Variants in BRINP3 observed in about 807,000 individuals in gnomAD.
BRINP3 encodes the protein BMP/retinoic acid-inducible neural-specific protein 3.
In BRINP3, 19 loss-of-function variants were observed where a neutral mutation model predicts 71.0. The ratio of observed to expected loss-of-function variants is 0.27; its 90% CI spans 0.19 to 0.39. The LOEUF (loss-of-function observed/expected upper bound fraction) is 0.39. Among genes scored for constraint, BRINP3 ranks in the 10% least tolerant of loss-of-function variants. The pLI, the probability that BRINP3 is intolerant of heterozygous loss-of-function variation, is 1.00. For synonymous variants in BRINP3, 380 were observed against 337.7 expected (o/e 1.13, Z -1.37); for missense variants, 959 against 940.8 (o/e 1.02, Z -0.25).
rs79701776 is a variant in BRINP3, at chr1:190,227,752, T to C, written c.725-1434A>G. ...ACAGATAAAAAGCTGGGTTATATAT[T>C]AATATATTTTGGAAATGAAAGTAGT... is the stretch of plus-strand genomic sequence containing the variant. On this transcript the variant is annotated intron_variant, in intron 5 of 7. Transcript: ENST00000367462. 3.3e-5 allele frequency among the ~76,000 whole-genome samples: 5 copies of C among 152,024 alleles called. No homozygotes were observed. In the East Asian group the frequency reaches 9.7e-4, roughly 29 times the overall value.
Position 190,424,678 on chromosome 1 carries a change from A to G in BRINP3, c.236+29977T>C, listed in dbSNP as rs183550833. ...ACAGTGAACAGTAAGAGTAGTAGAA[A>G]TATATTTTTGTAATAACTGAGAATT... On this transcript the variant is annotated intron_variant, in intron 2 of 7. Coordinates refer to ENST00000367462, the MANE Select transcript of BRINP3 (RefSeq NM_199051.3). Among the ~76,000 whole-genome samples the G allele has an allele frequency of 6.6e-5, 10 of 151,844 alleles. No homozygotes were observed. The East Asian group carries it at 1.9e-3, about 29-fold the overall frequency.
Position 190,160,696 on chromosome 1 carries a change from G to A in BRINP3, c.1156C>T (p.Gln386Ter), listed in dbSNP as rs755987294. 1 of 1,613,358 alleles carries A rather than the reference G, an allele frequency of 6.2e-7. No individual in the cohort carries two copies. The highest frequency in any genetic ancestry group is 1.7e-5 in the Admixed American group (1 of 59,894). The change falls in exon 7 of 8, where the codon CAA (glutamine) becomes TAA (stop). Residue 386 changes from glutamine to a stop codon, truncating the protein, a stop_gained. Coordinates refer to ENST00000367462, the MANE Select transcript of BRINP3 (RefSeq NM_199051.3). LOFTEE classifies it high-confidence loss of function. ...LFSLSKRCHK[Q>*]PLISLPRQRT... ...TGTCTTGGCAGGCTGATGAGGGGTT[G>A]TTTATGACACCTCTTGCTAAGGCTA...
chr1:190,262,805 A>G (rs116005300), intron 4 of BRINP3, among the ~76,000 whole-genome samples: 1,607 of 152,250 alleles, frequency 0.011, 24 homozygotes, highest in African/African-American at 0.035. Context: ...TATAGACTTA[A>G]TGAATCATCA....
chr1:190,301,657 T>C (rs1664748855), intron 2 of BRINP3, among the ~76,000 whole-genome samples: 1 of 151,918 alleles, frequency 6.6e-6, no homozygotes, highest in East Asian at 1.9e-4. Context: ...AAAGAAGTTG[T>C]TGAGAAAACA....
At chr1:190,168,460 C>T (rs994560004) in intron 6 of BRINP3, among the ~76,000 whole-genome samples, 6 of 152,100 alleles carry the variant, frequency 3.9e-5, no homozygotes, top group African/African-American at 7.2e-5. Context: ...TATAAAAATC[C>T]GGTAATAAAT....
At chr1:190,389,883 A>C (rs1423529870) in intron 2 of BRINP3, among the ~76,000 whole-genome samples, 1 of 151,818 alleles carries the variant, frequency 6.6e-6, no homozygotes, top group Non-Finnish European at 1.5e-5. Context: ...AAGAAGTGAA[A>C]TAAAATGGAC....
intron 2 of BRINP3, among the ~76,000 whole-genome samples, chr1:190,450,737 A>T (rs1675551505): frequency 6.6e-6 from 1 of 151,938 alleles, no homozygotes; most frequent in South Asian, 2.1e-4. Context: ...TCCTATTGAG[A>T]TCATTATTCC....
intron 1 of BRINP3, among the ~76,000 whole-genome samples, chr1:190,474,112 T>C (rs1677338828): frequency 6.6e-6 from 1 of 152,210 alleles, no homozygotes; most frequent in African/African-American, 2.4e-5. Flanking sequence ...ATTAAGATTA[T>C]ACATTTCTTC....
intron 1 of BRINP3, among the ~76,000 whole-genome samples, chr1:190,460,565 GT>G (rs1284294957): frequency 6.6e-6 from 1 of 152,084 alleles, no homozygotes; most frequent in Non-Finnish European, 1.5e-5. Context: ...CAATTGCAAT[GT>G]GCAAAATATC....
chr1:190,350,929 T>C (rs767799362), intron 2 of BRINP3, among the ~76,000 whole-genome samples: 1 of 151,948 alleles, frequency 6.6e-6, no homozygotes, highest in East Asian at 2.0e-4. Context: ...TTGAAGCGGT[T>C]CTCCTGCCTC....
intron 2 of BRINP3, among the ~76,000 whole-genome samples, chr1:190,444,125 C>T (rs892379142): frequency 6.6e-6 from 1 of 151,138 alleles, no homozygotes; most frequent in African/African-American, 2.4e-5. Flanking sequence ...CCCAGGTACT[C>T]GGGAGGCTGA....
chr1:190,160,658 A>G lies in BRINP3; in HGVS notation c.1184+10T>C. 1 of 1,604,926 alleles carries G rather than the reference A, an allele frequency of 6.2e-7. No individual in the cohort carries two copies. The highest frequency in any genetic ancestry group is 1.3e-5 in the African/African-American group (1 of 74,534). On this transcript the variant is annotated intron_variant, in intron 7 of 7. Transcript: ENST00000367462. ...AAACTTAATTGCTTACATTACCACA[A>G]ATGTCTTACCTTTGTCTTGGCAGGC...
chr1:190,245,849 G>A (rs1205335902), intron 4 of BRINP3, among the ~76,000 whole-genome samples: 2 of 148,384 alleles, frequency 1.3e-5, no homozygotes, highest in Non-Finnish European at 3.0e-5. Context: ...GAGAACATGC[G>A]GTGTTTGGTT....
intron 2 of BRINP3, among the ~76,000 whole-genome samples, chr1:190,426,430 G>C (rs1673711975): frequency 6.6e-6 from 1 of 151,822 alleles, no homozygotes; most frequent in Non-Finnish European, 1.5e-5. Flanking sequence ...TCAGATATTG[G>C]TGTTTTTTGG....
At chr1:190,477,122 G>T (rs1285535528) in intron 1 of BRINP3, among the ~76,000 whole-genome samples, 1 of 152,090 alleles carries the variant, frequency 6.6e-6, no homozygotes, top group Admixed American at 6.5e-5. Context: ...ATTTCAAATG[G>T]CACAGGAATG....
chr1:190,176,364 G>A (rs1381787772), intron 6 of BRINP3, among the ~76,000 whole-genome samples: 1 of 152,084 alleles, frequency 6.6e-6, no homozygotes, highest in Non-Finnish European at 1.5e-5. Context: ...TAAAAGATGA[G>A]TTATTTGCCT....
chr1:190,204,219 T>C (rs188262617), intron 6 of BRINP3, among the ~76,000 whole-genome samples: 142 of 152,046 alleles, frequency 9.3e-4, no homozygotes, highest in African/African-American at 2.5e-3. Flanking sequence ...AGACCTGAGC[T>C]GATTTTCATC....
rs573704664 is a variant in BRINP3, at chr1:190,258,429, C to A, written c.618+6436G>T. Among the ~76,000 whole-genome samples, 95 of 150,868 alleles carry A rather than the reference C, an allele frequency of 6.3e-4. 1 individual carries two copies. The highest frequency in any genetic ancestry group is 1.2e-3 in the Non-Finnish European group (79 of 67,598). On this transcript the variant is annotated intron_variant, in intron 4 of 7. Coordinates refer to ENST00000367462, the MANE Select transcript of BRINP3 (RefSeq NM_199051.3). Reference sequence around the variant, plus strand: ...AACTCATTGGAAAAATAAAAAAAAACAACAAAATACAGAAAATTCAATAAA... The same window carrying A: ...AACTCATTGGAAAAATAAAAAAAAAAAACAAAATACAGAAAATTCAATAAA...
At chr1:190,329,481 A>C (rs1210892284) in intron 2 of BRINP3, among the ~76,000 whole-genome samples, 2 of 152,072 alleles carry the variant, frequency 1.3e-5, no homozygotes, top group Non-Finnish European at 2.9e-5. Context: ...CTAACAAAAG[A>C]GGTGAAAGAC....
Sources: allele counts gnomAD v4.1 joint callset (sites outside exome capture counted in the v4.1 genomes callset), GRCh38; gene constraint gnomAD v4.1.1; transcripts MANE v1.5; gene names NCBI Gene and HGNC (gene_info 2026-07-23, HGNC 2026-07-21).